The following SLC30A8 variants were observed in gnomAD, a reference collection of about 807,000 sequenced individuals.
SLC30A8 encodes the protein solute carrier family 30 member 8.
A neutral mutation model predicts 36.9 loss-of-function variants in SLC30A8; 27 were observed. The ratio of observed to expected loss-of-function variants is 0.73; its 90% CI spans 0.54 to 1.01. The LOEUF is 1.01. SLC30A8 is among the 50% of genes least tolerant of loss of function. SLC30A8 has a pLI of 0.00. For missense variants in SLC30A8, 439 were observed against 452.0 expected, an observed-to-expected ratio of 0.97 and a Z score of 0.26; for synonymous variants, 164 against 172.4, an observed-to-expected ratio of 0.95 and a Z score of 0.38.
chr8:117,029,738 G>A (rs900617906), intron 1 of SLC30A8, among the ~76,000 whole-genome samples: 3 of 152,162 alleles, frequency 2.0e-5, no homozygotes, highest in Middle Eastern at 3.2e-3. Context: ...TGTTGAGACA[G>A]TTTTTCTCCT....
chr8:116,953,267 A>G (rs182243252), intron 1 of SLC30A8, among the ~76,000 whole-genome samples: 271 of 152,204 alleles, frequency 1.8e-3, no homozygotes, highest in Non-Finnish European at 1.5e-3. Context: ...TTTCAATCTA[A>G]TCCATCGTTG....
At chr8:117,098,166 C>T (rs570240845) in intron 2 of SLC30A8, among the ~76,000 whole-genome samples, 7 of 148,706 alleles carry the variant, frequency 4.7e-5, no homozygotes, top group East Asian at 1.9e-4. Flanking sequence ...ATTTAAAATT[C>T]GAACATTTAG....
At position 117,171,201 on chromosome 8, in the gene SLC30A8, T is replaced by A. The variant is rs1449355542; in HGVS notation, c.964+33T>A. On this transcript the variant is annotated intron_variant, in intron 7 of 7. Coordinates refer to ENST00000456015, the MANE Select transcript of SLC30A8 (RefSeq NM_173851.3). ...AGTTTTGTAAACACCCTGGAAAAAATTCAGTCCTTGTCCTGTAAAGTCAGT... is the reference window on the plus strand; with the variant it reads ...AGTTTTGTAAACACCCTGGAAAAAAATCAGTCCTTGTCCTGTAAAGTCAGT... 3 of 1,611,266 alleles carry A rather than the reference T, an allele frequency of 1.9e-6. No homozygotes were observed. In the South Asian group the frequency reaches 3.3e-5, roughly 18 times the overall value.
At chr8:117,021,953 T>C (rs1415170944) in intron 1 of SLC30A8, among the ~76,000 whole-genome samples, 1 of 148,990 alleles carries the variant, frequency 6.7e-6, no homozygotes, top group Non-Finnish European at 1.5e-5. Flanking sequence ...TGGATAGTCA[T>C]ATGGGAGAAA....
chr8:117,123,443 C>T (rs114591501), intron 2 of SLC30A8, among the ~76,000 whole-genome samples: 1,985 of 151,970 alleles, frequency 0.013, 42 homozygotes, highest in African/African-American at 0.045. Flanking sequence ...TAATTAGAAA[C>T]CTGAACTAAT....
At chr8:117,083,216 C>T (rs978007385) in intron 2 of SLC30A8, among the ~76,000 whole-genome samples, 4 of 152,152 alleles carry the variant, frequency 2.6e-5, no homozygotes, top group East Asian at 1.9e-4. Context: ...GAAAAGTGCA[C>T]GCACTTTCCC....
At chr8:116,978,479 G>A (rs987734025) in intron 1 of SLC30A8, among the ~76,000 whole-genome samples, 3 of 97,240 alleles carry the variant, frequency 3.1e-5, no homozygotes, top group Non-Finnish European at 4.3e-5. Flanking sequence ...TTCTTGGCAC[G>A]CTTCTAATCT....
In SLC30A8 at chr8:117,082,453, C is replaced by G. The variant is rs541764652; in HGVS notation, c.-226+43195C>G. Among the ~76,000 whole-genome samples, 27 of 152,224 alleles carry G rather than the reference C, an allele frequency of 1.8e-4. 1 individual carries two copies. The highest frequency in any genetic ancestry group is 1.8e-3 in the Admixed American group (27 of 15,292). The stretch of plus-strand genomic sequence containing the variant: ...TTTCTTTTTATCTCAGTGTAGTGGT[C>G]TTGGCTGAGTTCCAGTGCTTCAGGG... On this transcript the variant is annotated intron_variant, in intron 2 of 10. Transcript: ENST00000427715.
intron 2 of SLC30A8, among the ~76,000 whole-genome samples, chr8:117,124,387 A>G (rs73317608): frequency 0.053 from 8,117 of 152,006 alleles, 577 homozygotes; most frequent in African/African-American, 0.16. Flanking sequence ...TACAAGCCCA[A>G]TGCAGGTCAG....
chr8:117,098,493 G>T (rs370353290), intron 2 of SLC30A8, among the ~76,000 whole-genome samples: 1 of 152,188 alleles, frequency 6.6e-6, no homozygotes, highest in Middle Eastern at 3.4e-3. Flanking sequence ...TCCTATCCAC[G>T]GATGCGTGTC....
chr8:116,974,564 T>C lies in SLC30A8; in HGVS notation c.-266+23445T>C, dbSNP rs1183812531. 7.2e-5 allele frequency among the ~76,000 whole-genome samples: 11 copies of C among 152,212 alleles called. No individual in the cohort carries two copies. In the East Asian group the frequency reaches 1.9e-3, roughly 27 times the overall value. ...AGATGCTGGAGAGGATGTGGAGAAA[T>C]AGGAACATTTTTACACTGTTGGTGG... On this transcript the variant is annotated intron_variant, in intron 1 of 10. Transcript: ENST00000427715.
chr8:117,099,315 C>T (rs1251577700), intron 2 of SLC30A8, among the ~76,000 whole-genome samples: 1 of 152,116 alleles, frequency 6.6e-6, no homozygotes, highest in East Asian at 1.9e-4. Flanking sequence ...CATTGTTATT[C>T]AGGTCTCACG....
At chr8:117,070,180 A>C (rs1818287793) in intron 2 of SLC30A8, among the ~76,000 whole-genome samples, 1 of 152,200 alleles carries the variant, frequency 6.6e-6, no homozygotes, top group African/African-American at 2.4e-5. Flanking sequence ...CAGCACCAAA[A>C]TCTAATGAAT....
At chr8:117,170,710 G>A (rs552302570) in intron 6 of SLC30A8, among the ~76,000 whole-genome samples, 1 of 152,226 alleles carries the variant, frequency 6.6e-6, no homozygotes, top group South Asian at 2.1e-4. Flanking sequence ...CAAATTTCAT[G>A]TTATTTCATT....
intron 1 of SLC30A8, among the ~76,000 whole-genome samples, chr8:116,955,043 G>A (rs1395270487): frequency 1.3e-5 from 2 of 152,196 alleles, no homozygotes; most frequent in Admixed American, 6.5e-5. Flanking sequence ...TCCGTTGTCT[G>A]TGAAGTAGTA....
At chr8:117,172,331 C>T (rs116880615) in intron 7 of SLC30A8, among the ~76,000 whole-genome samples, 1,568 of 152,244 alleles carry the variant, frequency 0.01, 10 homozygotes, top group Non-Finnish European at 0.015. Flanking sequence ...GTTCCCATAG[C>T]GACAGGGCAC....
intron 1 of SLC30A8, among the ~76,000 whole-genome samples, chr8:116,973,733 C>T (rs183843851): frequency 6.6e-6 from 1 of 152,280 alleles, no homozygotes; most frequent in Non-Finnish European, 1.5e-5. Context: ...ATTGCCAAGA[C>T]AATCCTAAGC....
chr8:117,095,564 G>A (rs763019754), intron 2 of SLC30A8, among the ~76,000 whole-genome samples: 1 of 151,830 alleles, frequency 6.6e-6, no homozygotes, highest in Non-Finnish European at 1.5e-5. Flanking sequence ...TCTCCCAAAC[G>A]GAGTTAATCA....
chr8:117,170,262 T>C (rs1431015402), intron 6 of SLC30A8, among the ~76,000 whole-genome samples: 3 of 152,296 alleles, frequency 2.0e-5, no homozygotes, highest in South Asian at 2.1e-4. Context: ...GCTTCATCCA[T>C]AGAAATTTCC....
Sources: allele counts gnomAD v4.1 joint callset (sites outside exome capture counted in the v4.1 genomes callset), GRCh38; gene constraint gnomAD v4.1.1; transcripts MANE v1.5; gene names NCBI Gene and HGNC (gene_info 2026-07-23, HGNC 2026-07-21).